LRRC14: variants seen among roughly 807,000 people sequenced by gnomAD.
LRRC14 encodes leucine rich repeat containing 14.
LRRC14 carries 16 observed loss-of-function variants against 25.3 expected under a neutral mutation model. The observed-to-expected ratio is 0.63, with a 90% CI of 0.43 to 0.96. LRRC14 has a LOEUF of 0.96. Among genes scored for constraint, LRRC14 ranks in the 40% least tolerant of loss-of-function variants. The pLI, the probability that LRRC14 is intolerant of heterozygous loss-of-function variation, is 0.00. For missense variants in LRRC14, 594 were observed against 660.5 expected (o/e 0.90, Z 1.10); for synonymous variants, 359 against 295.1 (o/e 1.22, Z -2.22).
Position 144,522,648 on chromosome 8 carries a change from C to T in LRRC14, c.*1170C>T, listed in dbSNP as rs781052414. The T allele has an allele frequency of 1.3e-6, 2 of 1,586,108 alleles. No homozygotes were observed. Among genetic ancestry groups the T allele is most frequent in the South Asian group, 1.1e-5 (1 of 87,570 alleles). ...TCGTCGCGGAGCTCCTCTAGCTGTG[C>T]GAACGTACAGGGGCCGTCCAAGTAG... On this transcript the variant is annotated 3_prime_UTR_variant, in exon 4 of 4. Transcript: ENST00000292524.
In LRRC14 at chr8:144,524,597, G is replaced by A. The variant is rs1026468366; in HGVS notation, c.*3119G>A. 1 of 1,529,284 alleles carries A rather than the reference G, an allele frequency of 6.5e-7. No homozygotes were observed. The highest frequency in any genetic ancestry group is 8.7e-7 in the Non-Finnish European group (1 of 1,147,080). 94.7% of individuals were successfully genotyped at this position (1,529,284 alleles called of 1,614,324 possible). A position where few individuals can be genotyped will look rare whatever the true frequency, so the allele number is the denominator to read the frequency against. ...GCTCCAGCAGGCGCGGCTGCGCGCG[G>A]AAGGCGCCGGCCTCCAGGGCGCGCA... On this transcript the variant is annotated 3_prime_UTR_variant, in exon 4 of 4. Coordinates refer to ENST00000292524, the MANE Select transcript of LRRC14 (RefSeq NM_014665.4).
In LRRC14 at chr8:144,519,736, T is replaced by A. The variant is rs1214136080; in HGVS notation, c.11T>A (p.Leu4His). Reference sequence around the variant, plus strand: ...GCCCGGCCCAGCACCATGCACACGCTTGTGTTCTTGAGCACACGGCAGGTG... The same window carrying A: ...GCCCGGCCCAGCACCATGCACACGCATGTGTTCTTGAGCACACGGCAGGTG... MHT[L>H]VFLSTRQVLQ... Residue 4 changes from leucine (L) to histidine (H), a missense_variant, in exon 2 of 4, where the codon CTT (leucine) becomes CAT (histidine). Physicochemically the swap from Leu to His is moderately conservative, Grantham distance 99. Coordinates refer to ENST00000292524, the MANE Select transcript of LRRC14 (RefSeq NM_014665.4). 6.2e-7 allele frequency: 1 copy of A among 1,612,002 alleles called. No individual in the cohort carries two copies. The highest frequency in any genetic ancestry group is 1.1e-5 in the South Asian group (1 of 90,974).
chr8:144,521,158 A>G lies in LRRC14; in HGVS notation c.1162A>G (p.Ile388Val). The G allele has an allele frequency of 6.2e-7, 1 of 1,612,998 alleles. No homozygotes were observed. The highest frequency in any genetic ancestry group is 8.5e-7 in the Non-Finnish European group (1 of 1,179,988). The change falls in exon 4 of 4, where the codon ATC becomes GTC. Residue 388 changes from isoleucine to valine, a missense_variant. Transcript: ENST00000292524. ...ADTQLLATLP[I>V]LTQCASLRYL... ...CACCCAGCTGTTGGCCACACTACCC[A>G]TCCTGACTCAGTGCGCCAGTCTCCG... is the stretch of plus-strand genomic sequence containing the variant.
In LRRC14 at chr8:144,522,615, G is replaced by C; in HGVS notation, c.*1137G>C. 3.8e-6 allele frequency: 6 copies of C among 1,572,452 alleles called. No individual in the cohort carries two copies. The highest frequency in any genetic ancestry group is 5.2e-6 in the Non-Finnish European group (6 of 1,161,812). ...GAGCGGTTGATGACGAACATCTCGT[G>C]GCCGCGCTCGTCGCGGAGCTCCTCT... On this transcript the variant is annotated 3_prime_UTR_variant, in exon 4 of 4. Transcript: ENST00000292524.
Position 144,524,336 on chromosome 8 carries a change from C to G in LRRC14, c.*2858C>G. 3 of 1,599,658 alleles carry G rather than the reference C, an allele frequency of 1.9e-6. No homozygotes were observed. Among genetic ancestry groups the G allele is most frequent in the South Asian group, 2.2e-5 (2 of 91,004 alleles). ...GGGCGCCGAGGTTGGGGGCATGTCT[C>G]TCTTCTTACCAAGCTAGACTGGGTT... is the stretch of plus-strand genomic sequence containing the variant. On this transcript the variant is annotated 3_prime_UTR_variant, in exon 4 of 4. Transcript: ENST00000292524.
chr8:144,519,709 C>G lies in LRRC14; in HGVS notation c.-17C>G. 6.3e-7 allele frequency: 1 copy of G among 1,591,468 alleles called. No individual in the cohort carries two copies. The highest frequency in any genetic ancestry group is 8.6e-7 in the Non-Finnish European group (1 of 1,168,032). ...AAGTCCCTCTCCTGCAGGTGGCCGTCTGCCCGGCCCAGCACCATGCACACG... is the reference window on the plus strand; with the variant it reads ...AAGTCCCTCTCCTGCAGGTGGCCGTGTGCCCGGCCCAGCACCATGCACACG... On this transcript the variant is annotated 5_prime_UTR_variant, in exon 2 of 4. Coordinates refer to ENST00000292524, the MANE Select transcript of LRRC14 (RefSeq NM_014665.4).
Position 144,519,637 on chromosome 8 carries a change from C to G in LRRC14, c.-89C>G. ...CAGGCACTATGCTGGGCCTTCCTAC[C>G]ACTTGTGTGTGGCTTGGTAGTGGCC... On this transcript the variant is annotated 5_prime_UTR_variant, in exon 2 of 4. Transcript: ENST00000292524. 2 of 1,199,028 alleles carry G rather than the reference C, an allele frequency of 1.7e-6. No homozygotes were observed. Among genetic ancestry groups the G allele is most frequent in the African/African-American group, 1.5e-5 (1 of 66,832 alleles). 74.3% of individuals were successfully genotyped at this position (1,199,028 alleles called of 1,614,324 possible).
chr8:144,521,588 C>A lies in LRRC14; in HGVS notation c.*110C>A, dbSNP rs956188004. The A allele has an allele frequency of 1.8e-6, 2 of 1,140,298 alleles. No individual in the cohort carries two copies. The highest frequency in any genetic ancestry group is 1.6e-5 in the African/African-American group (1 of 64,088). 70.6% of individuals were successfully genotyped at this position (1,140,298 alleles called of 1,614,324 possible). A position where few individuals can be genotyped will look rare whatever the true frequency, so the allele number is the denominator to read the frequency against. Reference sequence around the variant, plus strand: ...TCACAAAAGCACTGGTTACTGGTTTCCTGCTGGGTCTACCTTGCTTCTGGG... The same window carrying A: ...TCACAAAAGCACTGGTTACTGGTTTACTGCTGGGTCTACCTTGCTTCTGGG... On this transcript the variant is annotated 3_prime_UTR_variant, in exon 4 of 4. Transcript: ENST00000292524.
intron 1 of LRRC14, chr8:144,518,466 G>C (rs1815622380): frequency 6.6e-6 from 1 of 152,328 alleles, no homozygotes; most frequent in Non-Finnish European, 1.5e-5. Context: ...CCCTTGGTGG[G>C]CAGGCCGTCT....
chr8:144,518,684 C>T (rs1344526102), intron 1 of LRRC14: 1 of 152,294 alleles, frequency 6.6e-6, no homozygotes, highest in African/African-American at 2.4e-5. Flanking sequence ...GCCCCCTTCC[C>T]TGGCTTGTCA....
rs867915475 is a variant in LRRC14 at position 144,525,147 on chromosome 8, T to C, written c.*3669T>C. The C allele has an allele frequency of 2.4e-5, 15 of 614,896 alleles. No homozygotes were observed. The South Asian group carries it at 5.7e-4, about 23-fold the overall frequency. 38.1% of individuals were successfully genotyped at this position (614,896 alleles called of 1,614,324 possible). On this transcript the variant is annotated 3_prime_UTR_variant, in exon 4 of 4. Transcript: ENST00000292524. ...GCTATAAATAGGTTCAAGAAACTAATAAAACGTTCTGGTTTTCTCCTTTGA... is the reference window on the plus strand; with the variant it reads ...GCTATAAATAGGTTCAAGAAACTAACAAAACGTTCTGGTTTTCTCCTTTGA...
At position 144,525,151 on chromosome 8, in the gene LRRC14, A is replaced by C; in HGVS notation, c.*3673A>C. 3.3e-6 allele frequency: 2 copies of C among 600,842 alleles called. No individual in the cohort carries two copies. Among genetic ancestry groups the C allele is most frequent in the Non-Finnish European group, 2.5e-6 (1 of 401,202 alleles). The allele number at this position is 600,842 out of a possible 1,614,324, so 37.2% of individuals were successfully genotyped here. ...TAAATAGGTTCAAGAAACTAATAAA[A>C]CGTTCTGGTTTTCTCCTTTGACAAA... On this transcript the variant is annotated 3_prime_UTR_variant, in exon 4 of 4. Coordinates refer to ENST00000292524, the MANE Select transcript of LRRC14 (RefSeq NM_014665.4).
chr8:144,524,363 C>T lies in LRRC14; in HGVS notation c.*2885C>T. On this transcript the variant is annotated 3_prime_UTR_variant, in exon 4 of 4. Coordinates refer to ENST00000292524, the MANE Select transcript of LRRC14 (RefSeq NM_014665.4). ...CTTCTTACCAAGCTAGACTGGGTTG[C>T]CTTTTCTAACTATTCCAGCCCTACA... is the stretch of plus-strand genomic sequence containing the variant. 1 of 1,594,468 alleles carries T rather than the reference C, an allele frequency of 6.3e-7. No homozygotes were observed. Among genetic ancestry groups the T allele is most frequent in the South Asian group, 1.1e-5 (1 of 90,896 alleles).
In LRRC14 at chr8:144,522,556, C is replaced by A. The variant is rs756704060; in HGVS notation, c.*1078C>A. On this transcript the variant is annotated 3_prime_UTR_variant, in exon 4 of 4. Transcript: ENST00000292524. ...CCTGTTCCGGGCCGCAGTCAGCGGG[C>A]GCCTCCGCCGGACCCTCGGCGAAGA... 1 of 1,537,212 alleles carries A rather than the reference C, an allele frequency of 6.5e-7. No homozygotes were observed. Among genetic ancestry groups the A allele is most frequent in the South Asian group, 1.2e-5 (1 of 82,394 alleles).
rs1015872048 is a variant in LRRC14 at position 144,522,870 on chromosome 8, C to T, written c.*1392C>T. 9 of 1,264,264 alleles carry T rather than the reference C, an allele frequency of 7.1e-6. No homozygotes were observed. Among genetic ancestry groups the T allele is most frequent in the East Asian group, 3.2e-5 (1 of 31,460 alleles). The allele number at this position is 1,264,264 out of a possible 1,614,324, so 78.3% of individuals were successfully genotyped here. ...GCCTCGGGCCGGGGCTCGCTGCCGG[C>T]GGGGCGGGCGGCCGGAGGCGGCGGT... On this transcript the variant is annotated 3_prime_UTR_variant, in exon 4 of 4. Coordinates refer to ENST00000292524, the MANE Select transcript of LRRC14 (RefSeq NM_014665.4).
At position 144,519,998 on chromosome 8, in the gene LRRC14, G is replaced by A; in HGVS notation, c.273G>A (p.Gly91=). The change falls in exon 2 of 4, where the codon GGG becomes GGA. Residue 91 remains glycine, a synonymous_variant. Coordinates refer to ENST00000292524, the MANE Select transcript of LRRC14 (RefSeq NM_014665.4). ...STESMQAVIL[G]LTARLHTSEP... Reference sequence around the variant, plus strand: ...AGAGCATGCAGGCTGTTATCCTGGGGCTGACTGCCCGGCTCCACACCTCAG... The same window carrying A: ...AGAGCATGCAGGCTGTTATCCTGGGACTGACTGCCCGGCTCCACACCTCAG... The A allele has an allele frequency of 6.2e-7, 1 of 1,611,826 alleles. No homozygotes were observed. The highest frequency in any genetic ancestry group is 8.5e-7 in the Non-Finnish European group (1 of 1,179,940).
At position 144,523,596 on chromosome 8, in the gene LRRC14, C is replaced by T. The variant is rs1421307285; in HGVS notation, c.*2118C>T. 5 of 875,742 alleles carry T rather than the reference C, an allele frequency of 5.7e-6. No individual in the cohort carries two copies. Among genetic ancestry groups the T allele is most frequent in the African/African-American group, 3.6e-5 (2 of 56,314 alleles). The allele number at this position is 875,742 out of a possible 1,614,324, so 54.2% of individuals were successfully genotyped here. On this transcript the variant is annotated 3_prime_UTR_variant, in exon 4 of 4. Transcript: ENST00000292524. Reference sequence around the variant, plus strand: ...TGGGGCGGCAGGCCCTTCACCCTCGCCCCCCTCCCCTTTAGCTCTGTGATG... The same window carrying T: ...TGGGGCGGCAGGCCCTTCACCCTCGTCCCCCTCCCCTTTAGCTCTGTGATG...
rs1402261710 is a variant in LRRC14, at chr8:144,522,360, C to G, written c.*882C>G. The G allele has an allele frequency of 2.6e-5, 34 of 1,320,232 alleles. No homozygotes were observed. The East Asian group carries it at 9.7e-4, about 38-fold the overall frequency. The allele number at this position is 1,320,232 out of a possible 1,614,324, so 81.8% of individuals were successfully genotyped here. On this transcript the variant is annotated 3_prime_UTR_variant, in exon 4 of 4. Coordinates refer to ENST00000292524, the MANE Select transcript of LRRC14 (RefSeq NM_014665.4). ...ATTCCCGAGTGCAACGTTCCCGGCT[C>G]GCGCCCCACACACGGCTCAGCGCAC...
chr8:144,523,877 ATTCT>A lies in LRRC14; in HGVS notation c.*2400_*2403del. On this transcript the variant is annotated 3_prime_UTR_variant, in exon 4 of 4. Transcript: ENST00000292524. ...AGCCTAAAAGTGTGCAGAACCCTCA[ATTCT>A]GTTAAGTCACCCTGTGGAGTTCCTG... The A allele has an allele frequency of 1.8e-6, 1 of 565,060 alleles. No individual in the cohort carries two copies. Among genetic ancestry groups the A allele is most frequent in the Non-Finnish European group, 3.1e-6 (1 of 322,380 alleles). The allele number at this position is 565,060 out of a possible 1,614,324, so 35.0% of individuals were successfully genotyped here. A position where few individuals can be genotyped will look rare whatever the true frequency, so the allele number is the denominator to read the frequency against.
Sources: gnomAD v4.1 joint callset for allele counts on GRCh38, gnomAD v4.1.1 for gene constraint, MANE v1.5 for transcripts, NCBI Gene and HGNC (gene_info 2026-07-23, HGNC 2026-07-21) for gene names.